The following CHAF1A variants were observed in gnomAD, a reference collection of about 807,000 sequenced individuals.
The protein encoded by CHAF1A is CAF-1 subunit A.
Under a neutral mutation model 93.2 loss-of-function variants are expected in CHAF1A, and 5 were observed. That is an observed-to-expected ratio of 0.05 (90% CI 0.03 to 0.11). CHAF1A has a LOEUF of 0.11. CHAF1A is among the 10% of genes least tolerant of loss of function. The probability of loss-of-function intolerance (pLI) is 1.00; values close to 1 mark genes in which losing one functional copy is unlikely to be tolerated. For synonymous variants in CHAF1A, 504 were observed against 510.3 expected, an observed-to-expected ratio of 0.99 and a Z score of 0.17; for missense variants, 1,102 against 1,259.9, an observed-to-expected ratio of 0.87 and a Z score of 1.90.
At chr19:4,420,842 G>A (rs1005626376) in intron 4 of CHAF1A, among the ~76,000 whole-genome samples, 1 of 152,158 alleles carries the variant, frequency 6.6e-6, no homozygotes, top group East Asian at 1.9e-4. Context: ...GGAGGCTGAG[G>A]TGGACAGATT....
At chr19:4,408,880 A>T (rs1278992706) in intron 2 of CHAF1A, 23 bp from the exon 3 acceptor site, 6 of 1,578,394 alleles carry the variant, frequency 3.8e-6, no homozygotes, top group Non-Finnish European at 5.1e-6. Context: ...TTCACTAGAG[A>T]TGGCTTTCTG....
At chr19:4,417,457 C>CGG (rs1973914276) in intron 3 of CHAF1A, among the ~76,000 whole-genome samples, 1 of 103,104 alleles carries the variant, frequency 9.7e-6, no homozygotes, top group Admixed American at 1.1e-4. Context: ...CCAGCTGTCG[C>CGG]TTTTTTTTTT....
intron 7 of CHAF1A, among the ~76,000 whole-genome samples, chr19:4,426,173 T>G (rs1367864864): frequency 6.7e-6 from 1 of 150,170 alleles, no homozygotes; most frequent in East Asian, 1.9e-4. Context: ...CAGTCTTTTT[T>G]TTTTTTTTTT....
intron 1 of CHAF1A, among the ~76,000 whole-genome samples, chr19:4,403,845 A>G (rs1313295003): frequency 1.3e-5 from 2 of 152,158 alleles, no homozygotes; most frequent in African/African-American, 2.4e-5. Context: ...TTAAGTCAGG[A>G]TGTTTAACTT....
At chr19:4,442,595 G>A (rs552323405) in intron 14 of CHAF1A, among the ~76,000 whole-genome samples, 1 of 152,370 alleles carries the variant, frequency 6.6e-6, no homozygotes, top group Admixed American at 6.5e-5. Flanking sequence ...GACGTTAGAT[G>A]GGGGTCAGGG....
At chr19:4,426,548 C>T (rs1235331546) in intron 7 of CHAF1A, among the ~76,000 whole-genome samples, 1 of 151,950 alleles carries the variant, frequency 6.6e-6, no homozygotes, top group African/African-American at 2.4e-5. Context: ...GATCTCAGCT[C>T]ACCACAACCT....
intron 7 of CHAF1A, 42 bp from the exon 8 acceptor site, chr19:4,428,622 C>T (rs771370454): frequency 3.9e-6 from 6 of 1,550,840 alleles, no homozygotes; most frequent in Middle Eastern, 1.7e-4. Context: ...CCTCCTTTCT[C>T]CCATTGCTCG....
chr19:4,445,478 A>C, downstream of CHAF1A: 2 of 1,613,614 alleles, frequency 1.2e-6, no homozygotes, highest in Non-Finnish European at 1.7e-6. Flanking sequence ...CACAGGGCTG[A>C]GGCCAACCCT....
At chr19:4,427,525 G>A (rs243368) in intron 7 of CHAF1A, among the ~76,000 whole-genome samples, 1 of 147,554 alleles carries the variant, frequency 6.8e-6, no homozygotes, top group African/African-American at 2.5e-5. Context: ...CGATTCTCCC[G>A]CCTCAGCCTC....
intron 3 of CHAF1A, among the ~76,000 whole-genome samples, chr19:4,410,814 G>A (rs374926449): frequency 2.6e-5 from 4 of 152,168 alleles, no homozygotes; most frequent in Non-Finnish European, 5.9e-5. Context: ...TCACACTGCC[G>A]CGCTCCAGCC....
intron 1 of CHAF1A, among the ~76,000 whole-genome samples, chr19:4,404,822 T>TAAA (rs781740107): frequency 0.33 from 49,854 of 151,876 alleles, 8,624 homozygotes; most frequent in East Asian, 0.59. Context: ...TGATCACTGC[T>TAAA]GCATCTGCTT....
At chr19:4,429,218 C>G in intron 8 of CHAF1A, 1 of 614,758 alleles carries the variant, frequency 1.6e-6, no homozygotes, top group South Asian at 2.0e-5. Flanking sequence ...GGGGCTGCAC[C>G]TGGGCAGCTG....
downstream of CHAF1A, among the ~76,000 whole-genome samples, chr19:4,443,860 CAG>C (rs750669211): frequency 8.3e-4 from 127 of 152,328 alleles, no homozygotes; most frequent in Non-Finnish European, 1.6e-3. Flanking sequence ...CTGAGCAGCT[CAG>C]AGCACACGCA....
intron 4 of CHAF1A, among the ~76,000 whole-genome samples, chr19:4,419,982 G>T (rs1309283554): frequency 6.6e-6 from 1 of 152,080 alleles, no homozygotes; most frequent in Non-Finnish European, 1.5e-5. Flanking sequence ...CGTGTGTCTC[G>T]TATATCAGAT....
chr19:4,414,305 G>A (rs1973860036), intron 3 of CHAF1A, among the ~76,000 whole-genome samples: 1 of 151,660 alleles, frequency 6.6e-6, no homozygotes, highest in African/African-American at 2.4e-5. Context: ...GGAGGCTGAG[G>A]TGGAAGGATC....
chr19:4,448,885 C>G (rs750716593), downstream of CHAF1A: 7 of 167,006 alleles, frequency 4.2e-5, no homozygotes, highest in Non-Finnish European at 7.9e-5. Flanking sequence ...GCCCATCGTC[C>G]AGGGTCACAG....
rs557078496 is a variant in CHAF1A at position 4,429,582 on chromosome 19, G to A, written c.1749G>A (p.Ala583=). 2.0e-5 allele frequency: 33 copies of A among 1,614,074 alleles called. No individual in the cohort carries two copies. The highest frequency in any genetic ancestry group is 1.7e-4 in the Middle Eastern group (1 of 6,060). ...TWNKKTALIR[A]RDPWAQDTKL... is the part of the protein sequence containing the mutation. ...ATAAGAAGACGGCACTCATCCGCGCGCGAGACCCCTGGGCCCAGGACACGG... is the reference window on the plus strand; with the variant it reads ...ATAAGAAGACGGCACTCATCCGCGCACGAGACCCCTGGGCCCAGGACACGG... The change falls in exon 9 of 15, where the codon GCG becomes GCA. Residue 583 remains alanine, a synonymous_variant. Coordinates refer to ENST00000301280, the MANE Select transcript of CHAF1A (RefSeq NM_005483.3).
At position 4,409,657 on chromosome 19, in the gene CHAF1A, C is replaced by G; in HGVS notation, c.858C>G (p.Ser286=). The change falls in exon 3 of 15, where the codon TCC becomes TCG. Residue 286 remains serine (S), a synonymous_variant. Coordinates refer to ENST00000301280, the MANE Select transcript of CHAF1A (RefSeq NM_005483.3). The part of the protein sequence containing the change: ...PEEDSVLSHS[S]LSSPSSTSSP... ...AAGACTCTGTACTCAGCCATTCGTC[C>G]CTGAGCTCTCCCTCTTCCACCAGCT... is the stretch of plus-strand genomic sequence containing the variant. The G allele has an allele frequency of 1.2e-6, 2 of 1,614,164 alleles. No individual in the cohort carries two copies. The highest frequency in any genetic ancestry group is 1.7e-6 in the Non-Finnish European group (2 of 1,180,030).
chr19:4,422,944 C>T lies in CHAF1A; in HGVS notation c.1247+149C>T. On this transcript the variant is annotated intron_variant, in intron 5 of 14. Coordinates refer to ENST00000301280, the MANE Select transcript of CHAF1A (RefSeq NM_005483.3). The surrounding 1 kb of genome is among the most constrained non-coding windows in gnomAD (Gnocchi z 4.6). ...CTCCTTCGTGAGGTGCCCGTGGGGC[C>T]CTGACGTGGGAGCGGTGGAAAGCAG... 2 of 791,814 alleles carry T rather than the reference C, an allele frequency of 2.5e-6. No individual in the cohort carries two copies. The highest frequency in any genetic ancestry group is 4.0e-6 in the Non-Finnish European group (2 of 496,648). 49.0% of individuals were successfully genotyped at this position (791,814 alleles called of 1,614,324 possible).
Sources: allele counts gnomAD v4.1 joint callset (sites outside exome capture counted in the v4.1 genomes callset), GRCh38; gene constraint gnomAD v4.1.1; non-coding constraint Gnocchi (gnomAD v3.1); transcripts MANE v1.5; gene names NCBI Gene and HGNC (gene_info 2026-07-23, HGNC 2026-07-21).